FNBP1L: variants seen among roughly 807,000 people sequenced by gnomAD.
FNBP1L encodes the protein formin binding protein 1 like, also known as formin-binding protein 1-like.
In FNBP1L, 36 loss-of-function variants were observed where a neutral mutation model predicts 91.2. That is an observed-to-expected ratio of 0.39 (90% confidence interval 0.30 to 0.52). FNBP1L has a LOEUF of 0.52. Among genes scored for constraint, FNBP1L ranks in the 20% least tolerant of loss-of-function variants. The pLI, the probability that FNBP1L is intolerant of heterozygous loss-of-function variation, is 0.66. For missense variants in FNBP1L, 571 were observed against 732.1 expected (o/e 0.78, Z 2.54); for synonymous variants, 242 against 237.0 (o/e 1.02, Z -0.19).
At chr1:93,549,451 A>G in intron 15 of FNBP1L, 25 bp downstream of exon 15, 1 of 1,506,466 alleles carries the variant, frequency 6.6e-7, no homozygotes. Flanking sequence ...ATAATATTGT[A>G]TGTAAAAAAA....
chr1:93,512,305 T>G (rs959053920), intron 2 of FNBP1L, among the ~76,000 whole-genome samples: 6 of 151,732 alleles, frequency 4.0e-5, no homozygotes, highest in African/African-American at 1.5e-4. Context: ...AGACTTAGAC[T>G]CCCACACATT....
chr1:93,543,889 A>T (rs762358616), intron 11 of FNBP1L: 9 of 289,800 alleles, frequency 3.1e-5, no homozygotes, highest in Non-Finnish European at 6.0e-5. Flanking sequence ...TTATAAAATG[A>T]CTGAAATTTG....
chr1:93,471,670 T>C (rs1669293373), intron 1 of FNBP1L, among the ~76,000 whole-genome samples: 1 of 152,172 alleles, frequency 6.6e-6, no homozygotes, highest in South Asian at 2.1e-4. Context: ...CCAGCCTGGG[T>C]GACCAGAGTG....
At chr1:93,497,737 A>G (rs1670314558) in intron 1 of FNBP1L, among the ~76,000 whole-genome samples, 1 of 152,068 alleles carries the variant, frequency 6.6e-6, no homozygotes, top group Non-Finnish European at 1.5e-5. Context: ...CTCCTGCCTC[A>G]GCCTCCTGAG....
At chr1:93,514,605 A>G (rs1293908051) in intron 2 of FNBP1L, among the ~76,000 whole-genome samples, 2 of 152,234 alleles carry the variant, frequency 1.3e-5, no homozygotes, top group Non-Finnish European at 2.9e-5. Flanking sequence ...GCCCTCAGAA[A>G]TAACGCCGCA....
intron 1 of FNBP1L, among the ~76,000 whole-genome samples, chr1:93,483,696 T>A (rs1669796725): frequency 6.6e-6 from 1 of 152,228 alleles, no homozygotes; most frequent in Non-Finnish European, 1.5e-5. Flanking sequence ...ACCATAATTA[T>A]ATGCTAAGAA....
At chr1:93,495,451 T>G (rs1670230958) in intron 1 of FNBP1L, among the ~76,000 whole-genome samples, 1 of 152,252 alleles carries the variant, frequency 6.6e-6, no homozygotes, top group South Asian at 2.1e-4. Flanking sequence ...TGGAATTTAT[T>G]CACTTCATTT....
intron 2 of FNBP1L, among the ~76,000 whole-genome samples, chr1:93,520,147 T>C (rs969296787): frequency 7.2e-5 from 11 of 152,206 alleles, no homozygotes; most frequent in Admixed American, 5.2e-4. Context: ...ACTTGTCTCC[T>C]TTCAATAGAG....
intron 1 of FNBP1L, among the ~76,000 whole-genome samples, chr1:93,478,905 A>G (rs1281630782): frequency 6.6e-6 from 1 of 152,252 alleles, no homozygotes; most frequent in Non-Finnish European, 1.5e-5. Flanking sequence ...ACACAGTCAC[A>G]TTGACAAGGA....
intron 1 of FNBP1L, among the ~76,000 whole-genome samples, chr1:93,462,298 C>G (rs1212579702): frequency 6.6e-6 from 1 of 151,904 alleles, no homozygotes; most frequent in African/African-American, 2.4e-5. Context: ...AATTGATAGA[C>G]TTTATTTTTT....
chr1:93,482,161 C>CAAAAATAAATAACTAAGTA (rs1669729147), intron 1 of FNBP1L, among the ~76,000 whole-genome samples: 1 of 151,942 alleles, frequency 6.6e-6, no homozygotes, highest in Admixed American at 6.6e-5. Flanking sequence ...GACCCTGTCT[C>CAAAAATAAATAACTAAGTA]AAAAATAAAT....
At chr1:93,539,308 T>C (rs1055393943) in intron 10 of FNBP1L, among the ~76,000 whole-genome samples, 1 of 151,990 alleles carries the variant, frequency 6.6e-6, no homozygotes, top group Non-Finnish European at 1.5e-5. Flanking sequence ...GTTTATTAAA[T>C]GTAGTTGAGT....
intron 1 of FNBP1L, among the ~76,000 whole-genome samples, chr1:93,469,582 T>C (rs947100844): frequency 6.6e-6 from 1 of 152,244 alleles, no homozygotes; most frequent in Non-Finnish European, 1.5e-5. Context: ...GCATGATTTA[T>C]AATCCTTTGT....
intron 2 of FNBP1L, among the ~76,000 whole-genome samples, chr1:93,503,252 A>G (rs1474054118): frequency 1.3e-5 from 2 of 152,108 alleles, no homozygotes; most frequent in African/African-American, 4.8e-5. Flanking sequence ...GCGAAGGGGG[A>G]ATCCCACTGT....
chr1:93,456,147 T>C (rs560415051), intron 1 of FNBP1L, among the ~76,000 whole-genome samples: 1 of 152,264 alleles, frequency 6.6e-6, no homozygotes, highest in South Asian at 2.1e-4. Context: ...GGAGTCAGCA[T>C]TTAGAATCTG....
intron 1 of FNBP1L, among the ~76,000 whole-genome samples, chr1:93,480,599 T>A (rs1015202336): frequency 2.4e-4 from 36 of 151,960 alleles, no homozygotes; most frequent in African/African-American, 6.5e-4. Context: ...TTTTTTTTTT[T>A]AATTTTTTTT....
At chr1:93,469,995 TGTG>T (rs1425329833) in intron 1 of FNBP1L, among the ~76,000 whole-genome samples, 1 of 152,066 alleles carries the variant, frequency 6.6e-6, no homozygotes, top group African/African-American at 2.4e-5. Context: ...AAAATGTAAT[TGTG>T]GTGTTAAAGT....
intron 6 of FNBP1L, among the ~76,000 whole-genome samples, chr1:93,530,334 G>A (rs1671632352): frequency 6.6e-6 from 1 of 152,046 alleles, no homozygotes. Context: ...GATCATAAAT[G>A]TTTTACTGTT....
chr1:93,536,186 CTA>C, intron 9 of FNBP1L, 144 bp from the exon 10 acceptor site: 1 of 517,948 alleles, frequency 1.9e-6, no homozygotes, highest in Non-Finnish European at 3.1e-6. Context: ...TTGGGCAAAA[CTA>C]TGTTTACTTT....
Sources: gnomAD v4.1 joint callset for allele counts (sites outside exome capture counted in the v4.1 genomes callset) on GRCh38, gnomAD v4.1.1 for gene constraint, MANE v1.5 for transcripts, NCBI Gene and HGNC (gene_info 2026-07-23, HGNC 2026-07-21) for gene names.